The following ANXA5 variants were observed in gnomAD, a reference collection of about 807,000 sequenced individuals.
The protein encoded by ANXA5 is CBP-I.
Under a neutral mutation model 48.1 loss-of-function variants are expected in ANXA5, and 40 were observed. The ratio of observed to expected loss-of-function variants is 0.83; its 90% confidence interval spans 0.65 to 1.08. ANXA5 has a LOEUF of 1.08. Ranked by LOEUF, ANXA5 falls within the 50% of genes least tolerant of loss-of-function variation. The pLI, the probability that ANXA5 is intolerant of heterozygous loss-of-function variation, is 0.00. For synonymous variants in ANXA5, 113 were observed against 129.1 expected, an observed-to-expected ratio of 0.88 and a Z score of 0.85; for missense variants, 357 against 376.8, an observed-to-expected ratio of 0.95 and a Z score of 0.44.
chr4:121,685,585 G>A (rs1404278206), intron 3 of ANXA5, among the ~76,000 whole-genome samples: 2 of 152,154 alleles, frequency 1.3e-5, no homozygotes, highest in African/African-American at 4.8e-5. Flanking sequence ...CTGAAAAGGT[G>A]GGCTGGATAC....
chr4:121,672,282 G>A (rs1326412064), intron 9 of ANXA5, among the ~76,000 whole-genome samples: 2 of 152,192 alleles, frequency 1.3e-5, no homozygotes, highest in East Asian at 3.9e-4. Flanking sequence ...GACTATGAGA[G>A]GAACAATCTA....
chr4:121,688,649 T>G (rs1233897126), intron 2 of ANXA5, among the ~76,000 whole-genome samples: 1 of 152,144 alleles, frequency 6.6e-6, no homozygotes. Flanking sequence ...GGGTCAGCTA[T>G]GAGAGAACTT....
intron 2 of ANXA5, among the ~76,000 whole-genome samples, chr4:121,696,152 CG>C (rs1308149579): frequency 8.8e-6 from 1 of 114,208 alleles, no homozygotes; most frequent in Non-Finnish European, 1.6e-5. Flanking sequence ...GAAAACTTTG[CG>C]GAAAAAAAAT....
At position 121,686,353 on chromosome 4, in the gene ANXA5, G is replaced by A. The variant is rs188512338; in HGVS notation, c.29C>T (p.Thr10Ile). 2.5e-6 allele frequency: 4 copies of A among 1,614,002 alleles called. No homozygotes were observed. The Admixed American group carries it at 5.0e-5, about 20-fold the overall frequency. Residue 10 changes from threonine to isoleucine, a missense_variant, in exon 3 of 13, where the codon ACT becomes ATT. Coordinates refer to ENST00000296511, the MANE Select transcript of ANXA5 (RefSeq NM_001154.4). ...CCGCTCATCAAATCCAGGGAAGTCA[G>A]TCACAGTGCCTCTGAGAACCTAATT... The part of the protein sequence containing the change: MAQVLRGTV[T>I]DFPGFDERAD...
rs1165996569 is a variant in ANXA5 at position 121,684,700 on chromosome 4, C to T, written c.166G>A (p.Ala56Thr). ...SNAQRQEISA[A>T]FKTLFGRDLL... is the part of the protein sequence containing the mutation. ...ACCCTGCCAAACAGAGTCTTAAAAG[C>T]TGCAGAGATTTCCTGGCGCTGAGCA... Residue 56 changes from alanine to threonine, a missense_variant, in exon 4 of 13, where the codon GCT becomes ACT. Coordinates refer to ENST00000296511, the MANE Select transcript of ANXA5 (RefSeq NM_001154.4). The T allele has an allele frequency of 1.2e-6, 2 of 1,613,974 alleles. No individual in the cohort carries two copies. Among genetic ancestry groups the T allele is most frequent in the East Asian group, 4.5e-5 (2 of 44,880 alleles).
intron 3 of ANXA5, 53 bp from the exon 4 acceptor site, chr4:121,684,824 A>T: frequency 7.0e-7 from 1 of 1,431,550 alleles, no homozygotes. Context: ...ATACTCTCCC[A>T]ACGATCTTGG....
At chr4:121,688,062 AG>A (rs1005788955) in intron 2 of ANXA5, among the ~76,000 whole-genome samples, 1 of 152,162 alleles carries the variant, frequency 6.6e-6, no homozygotes, top group Non-Finnish European at 1.5e-5. Flanking sequence ...TCATGAAAGC[AG>A]GGCCCCCAAA....
intron 6 of ANXA5, among the ~76,000 whole-genome samples, chr4:121,681,159 C>T (rs1724787263): frequency 6.6e-6 from 1 of 152,146 alleles, no homozygotes; most frequent in Non-Finnish European, 1.5e-5. Flanking sequence ...ATATAAAAGA[C>T]ACACTAAAAA....
At chr4:121,694,191 A>T (rs1197020287) in intron 2 of ANXA5, among the ~76,000 whole-genome samples, 1 of 151,754 alleles carries the variant, frequency 6.6e-6, no homozygotes, top group African/African-American at 2.4e-5. Flanking sequence ...GGCACCATGT[A>T]TACATATGTA....
At chr4:121,695,295 G>A (rs1725060162) in intron 2 of ANXA5, among the ~76,000 whole-genome samples, 1 of 152,190 alleles carries the variant, frequency 6.6e-6, no homozygotes, top group Non-Finnish European at 1.5e-5. Context: ...GGTAAGAATG[G>A]GATCACTGTG....
chr4:121,672,472 T>C lies in ANXA5; in HGVS notation c.625+61A>G. ...CTATGTAGCAGGTATTCTGTCACACTGGCTCATGCACTTTCCAAATTTACC... is the reference window on the plus strand; with the variant it reads ...CTATGTAGCAGGTATTCTGTCACACCGGCTCATGCACTTTCCAAATTTACC... On this transcript the variant is annotated intron_variant, in intron 9 of 12. Transcript: ENST00000296511. 3 of 1,166,084 alleles carry C rather than the reference T, an allele frequency of 2.6e-6. No individual in the cohort carries two copies. The East Asian group carries it at 7.1e-5, about 27-fold the overall frequency. The allele number at this position is 1,166,084 out of a possible 1,614,324, so 72.2% of individuals were successfully genotyped here.
At chr4:121,675,691 G>C (rs182777581) in intron 8 of ANXA5, among the ~76,000 whole-genome samples, 2 of 152,192 alleles carry the variant, frequency 1.3e-5, no homozygotes, top group Admixed American at 6.5e-5. Flanking sequence ...TGCATGACAC[G>C]TAAGTGTCAC....
At chr4:121,676,390 T>C (rs1724698667) in intron 8 of ANXA5, among the ~76,000 whole-genome samples, 1 of 152,178 alleles carries the variant, frequency 6.6e-6, no homozygotes, top group African/African-American at 2.4e-5. Flanking sequence ...ACTGACTATC[T>C]TCTAGTGAAA....
chr4:121,680,348 ACT>A (rs1724769973), intron 6 of ANXA5, among the ~76,000 whole-genome samples: 1 of 151,590 alleles, frequency 6.6e-6, no homozygotes, highest in Non-Finnish European at 1.5e-5. Flanking sequence ...TAGTCTTGAA[ACT>A]CTGCTGCATG....
intron 2 of ANXA5, among the ~76,000 whole-genome samples, chr4:121,695,753 T>C (rs1459670819): frequency 1.3e-5 from 2 of 151,812 alleles, no homozygotes; most frequent in Non-Finnish European, 2.9e-5. Flanking sequence ...AAATACAAAA[T>C]TAGCTGGGCA....
intron 2 of ANXA5, among the ~76,000 whole-genome samples, chr4:121,692,897 T>C (rs1373024475): frequency 2.0e-5 from 3 of 152,254 alleles, no homozygotes; most frequent in African/African-American, 4.8e-5. Flanking sequence ...AAAAGCCTCA[T>C]GCATTCATGA....
chr4:121,690,546 T>C (rs1456456748), intron 2 of ANXA5, among the ~76,000 whole-genome samples: 1 of 152,014 alleles, frequency 6.6e-6, no homozygotes, highest in South Asian at 2.1e-4. Flanking sequence ...AACAACAGTT[T>C]GCAAAGCAGG....
chr4:121,685,818 C>T (rs1054430231), intron 3 of ANXA5, among the ~76,000 whole-genome samples: 1 of 152,140 alleles, frequency 6.6e-6, no homozygotes. Context: ...CTTATCGACT[C>T]GGGCCTCTAC....
chr4:121,676,191 G>A (rs1286882925), intron 8 of ANXA5, among the ~76,000 whole-genome samples: 1 of 151,850 alleles, frequency 6.6e-6, no homozygotes, highest in Non-Finnish European at 1.5e-5. Context: ...CCCCTAACAG[G>A]AGTACAACTC....
Sources: gnomAD v4.1 joint callset for allele counts (sites outside exome capture counted in the v4.1 genomes callset) on GRCh38, gnomAD v4.1.1 for gene constraint, MANE v1.5 for transcripts, NCBI Gene and HGNC (gene_info 2026-07-23, HGNC 2026-07-21) for gene names.